Variants in PATL2 observed in about 807,000 individuals in gnomAD.
PATL2 encodes PAT1 homolog 2, also known as protein PAT1 homolog 2.
Under a neutral mutation model 77.0 loss-of-function variants are expected in PATL2, and 73 were observed. The ratio of observed to expected loss-of-function variants is 0.95; its 90% confidence interval spans 0.78 to 1.15. The LOEUF is 1.15. Ranked by LOEUF, PATL2 falls within the 50% of genes most tolerant of loss-of-function variation. PATL2 has a pLI of 0.00. For synonymous variants in PATL2, 265 were observed against 257.1 expected (o/e 1.03, Z -0.29); for missense variants, 618 against 655.4 (o/e 0.94, Z 0.62).
chr15:44,676,080 A>T (rs2085941383), intron 4 of PATL2: 2 of 318,616 alleles, frequency 6.3e-6, no homozygotes, highest in Non-Finnish European at 1.2e-5. Flanking sequence ...TCACTTTCAC[A>T]TCCCCTCTTC....
At chr15:44,688,555 A>G (rs1457603636) in intron 3 of PATL2, among the ~76,000 whole-genome samples, 2 of 152,116 alleles carry the variant, frequency 1.3e-5, no homozygotes, top group Non-Finnish European at 2.9e-5. Context: ...AAATAACACC[A>G]CACATCTACA....
At position 44,705,811 on chromosome 15, in the gene PATL2, G is replaced by GTTTTTTTTTTTTTTTT. The variant is rs371254036; in HGVS notation, c.-76+4284_-76+4285insAAAAAAAAAAAAAAAA. Among the ~76,000 whole-genome samples the GTTTTTTTTTTTTTTTT allele has an allele frequency of 1.8e-4, 25 of 135,382 alleles. 3 individuals are homozygous for GTTTTTTTTTTTTTTTT. Among genetic ancestry groups the GTTTTTTTTTTTTTTTT allele is most frequent in the African/African-American group, 3.3e-4 (11 of 33,506 alleles). The allele number at this position is 135,382 out of a possible 152,430, so 88.8% of individuals were successfully genotyped here. On this transcript the variant is annotated intron_variant, in intron 3 of 17. Transcript: ENST00000682850. ...TTTCTTTGAGTTTCCTCAAAACATT[G>GTTTTTTTTTTTTTTTT]TTTTTTTTTAGACAGAGTCTTGCTC... is the stretch of plus-strand genomic sequence containing the variant.
chr15:44,683,687 C>T (rs1433501368), intron 3 of PATL2, among the ~76,000 whole-genome samples: 1 of 152,188 alleles, frequency 6.6e-6, no homozygotes, highest in Non-Finnish European at 1.5e-5. Context: ...CTTAAACATT[C>T]CTGCCTGCTG....
intron 3 of PATL2, 112 bp from the exon 4 acceptor site, chr15:44,676,677 TGGTCTTG>T (rs1420824308): frequency 4.8e-6 from 6 of 1,252,158 alleles, no homozygotes; most frequent in Middle Eastern, 2.8e-4. Flanking sequence ...TTCTTGGCCA[TGGTCTTG>T]AGGAGAGAGA....
intron 3 of PATL2, among the ~76,000 whole-genome samples, chr15:44,680,644 C>T: frequency 6.6e-6 from 1 of 152,108 alleles, no homozygotes; most frequent in East Asian, 1.9e-4. Context: ...CAGGATGTGT[C>T]CACTTCTTGG....
chr15:44,676,727 C>A lies in PATL2; in HGVS notation c.-75-162G>T, dbSNP rs1218109166. 7.3e-6 allele frequency: 9 copies of A among 1,227,874 alleles called. No individual in the cohort carries two copies. In the African/African-American group the frequency reaches 1.2e-4, roughly 17 times the overall value. 76.1% of individuals were successfully genotyped at this position (1,227,874 alleles called of 1,614,324 possible). A position where few individuals can be genotyped will look rare whatever the true frequency, so the allele number is the denominator to read the frequency against. On this transcript the variant is annotated intron_variant, in intron 3 of 17. Coordinates refer to ENST00000682850, the MANE Select transcript of PATL2 (RefSeq NM_001387263.1). ...GTCTCAGACTGCCATAAACACCCACCCTCCCAGCTCGGCTCTAGGGAGCTG... is the reference window on the plus strand; with the variant it reads ...GTCTCAGACTGCCATAAACACCCACACTCCCAGCTCGGCTCTAGGGAGCTG...
intron 4 of PATL2, 153 bp from the exon 5 acceptor site, chr15:44,675,844 G>T (rs575235270): frequency 5.2e-4 from 349 of 666,170 alleles, no homozygotes; most frequent in African/African-American, 4.4e-3. Flanking sequence ...GTTTAACTCG[G>T]CCTCCCTTCT....
chr15:44,669,733 T>G (rs2085569206), intron 11 of PATL2, 44 bp downstream of exon 11: 4 of 1,543,668 alleles, frequency 2.6e-6, no homozygotes, highest in Admixed American at 2.0e-5. Context: ...TAGACCCTTC[T>G]TCCAAAGGGG....
At chr15:44,684,863 C>T (rs1389113164) in intron 3 of PATL2, among the ~76,000 whole-genome samples, 1 of 152,164 alleles carries the variant, frequency 6.6e-6, no homozygotes, top group Non-Finnish European at 1.5e-5. Flanking sequence ...TTGGGTTACC[C>T]AGAAAGGTAA....
chr15:44,666,018 A>G (rs1282643950), intron 17 of PATL2, 47 bp from the exon 18 acceptor site: 11 of 1,459,058 alleles, frequency 7.5e-6, no homozygotes, highest in Non-Finnish European at 9.2e-6. Context: ...CTACTTTGCA[A>G]GTATTTATAT....
In PATL2 at chr15:44,667,078, A is replaced by G. The variant is rs557583117; in HGVS notation, c.1463+28T>C. 6.1e-5 allele frequency: 91 copies of G among 1,487,868 alleles called. No individual in the cohort carries two copies. The South Asian group carries it at 9.7e-4, about 16-fold the overall frequency. The allele number at this position is 1,487,868 out of a possible 1,614,324, so 92.2% of individuals were successfully genotyped here. A position where few individuals can be genotyped will look rare whatever the true frequency, so the allele number is the denominator to read the frequency against. ...TCTGCACATCCCGAGGGTACTAGAT[A>G]GTATTTACAAGGCCTTTATGATCTT... On this transcript the variant is annotated intron_variant, in intron 16 of 17. Transcript: ENST00000682850.
chr15:44,672,160 T>G lies in PATL2; in HGVS notation c.516-4A>C. Reference sequence around the variant, plus strand: ...CCAAGGCTTCTTGGCTGGGGGACTTTAAGCCAGGAGGAACAACCCTTTAGA... The same window carrying G: ...CCAAGGCTTCTTGGCTGGGGGACTTGAAGCCAGGAGGAACAACCCTTTAGA... On this transcript the variant is annotated splice_region_variant and splice_polypyrimidine_tract_variant and intron_variant, in intron 8 of 17. Coordinates refer to ENST00000682850, the MANE Select transcript of PATL2 (RefSeq NM_001387263.1). 1 of 1,551,696 alleles carries G rather than the reference T, an allele frequency of 6.4e-7. No individual in the cohort carries two copies. The highest frequency in any genetic ancestry group is 8.7e-7 in the Non-Finnish European group (1 of 1,146,988).
chr15:44,666,111 G>C, intron 17 of PATL2, 140 bp from the exon 18 acceptor site: 2 of 901,322 alleles, frequency 2.2e-6, no homozygotes, highest in Non-Finnish European at 3.3e-6. Flanking sequence ...TCCTAGAATA[G>C]TTGTCCCTCA....
intron 3 of PATL2, among the ~76,000 whole-genome samples, chr15:44,685,839 A>T (rs1190615881): frequency 6.6e-6 from 1 of 152,212 alleles, no homozygotes; most frequent in Non-Finnish European, 1.5e-5. Context: ...AAAGGGATCA[A>T]TGCAGCAAGA....
chr15:44,669,310 G>A lies in PATL2; in HGVS notation c.1034C>T (p.Thr345Ile). 6.4e-7 allele frequency: 1 copy of A among 1,551,572 alleles called. No homozygotes were observed. The highest frequency in any genetic ancestry group is 8.7e-7 in the Non-Finnish European group (1 of 1,146,898). ...QSNQVEKLFQTLKTQEQNNLE... is the reference protein window; with the variant it reads ...QSNQVEKLFQILKTQEQNNLE... ...GTTGTTCTGCTCCTGGGTCTTTAAG[G>A]TCTGGAAGAGCTTCTCAACCTGGTT... is the stretch of plus-strand genomic sequence containing the variant. Residue 345 changes from threonine to isoleucine, a missense_variant, in exon 13 of 18, where the codon ACC (threonine) becomes ATC (isoleucine). Coordinates refer to ENST00000682850, the MANE Select transcript of PATL2 (RefSeq NM_001387263.1).
intron 3 of PATL2, among the ~76,000 whole-genome samples, chr15:44,682,939 G>A (rs2086166506): frequency 6.6e-6 from 1 of 152,198 alleles, no homozygotes; most frequent in South Asian, 2.1e-4. Flanking sequence ...AGCCCACGGA[G>A]GGTGAGCCAA....
At chr15:44,671,934 A>C in intron 9 of PATL2, 81 bp downstream of exon 9, 1 of 1,494,290 alleles carries the variant, frequency 6.7e-7, no homozygotes, top group Middle Eastern at 2.1e-4. Context: ...CTATGAGCCG[A>C]AGAGAGGATC....
At chr15:44,696,749 T>C (rs2086512207) in intron 3 of PATL2, among the ~76,000 whole-genome samples, 1 of 152,178 alleles carries the variant, frequency 6.6e-6, no homozygotes, top group Non-Finnish European at 1.5e-5. Flanking sequence ...CTCTTTGTGT[T>C]CTATTTTTTT....
At chr15:44,692,498 C>A (rs62024990) in intron 3 of PATL2, among the ~76,000 whole-genome samples, 2 of 152,314 alleles carry the variant, frequency 1.3e-5, no homozygotes, top group Non-Finnish European at 1.5e-5. Flanking sequence ...CTTCTGCAGG[C>A]TCCTCCTGAT....
Sources: gnomAD v4.1 joint callset for allele counts (sites outside exome capture counted in the v4.1 genomes callset) on GRCh38, gnomAD v4.1.1 for gene constraint, MANE v1.5 for transcripts, NCBI Gene and HGNC (gene_info 2026-07-23, HGNC 2026-07-21) for gene names.